IQGAP3: variants seen among roughly 807,000 people sequenced by gnomAD.
IQGAP3 encodes IQ motif containing GTPase activating protein 3.
A neutral mutation model predicts 208.2 loss-of-function variants in IQGAP3; 165 were observed. The observed-to-expected ratio is 0.79, with a 90% CI of 0.70 to 0.90. IQGAP3 has a LOEUF of 0.90. Among genes scored for constraint, IQGAP3 ranks in the 40% least tolerant of loss-of-function variants. The pLI is 0.00. For synonymous variants in IQGAP3, 703 were observed against 803.6 expected, an observed-to-expected ratio of 0.87 and a Z score of 2.12; for missense variants, 1,811 against 2,043.1, an observed-to-expected ratio of 0.89 and a Z score of 2.19.
rs1437576321 is a variant in IQGAP3 at position 156,556,524 on chromosome 1, G to A, written c.1290+9C>T. On this transcript the variant is annotated intron_variant, in intron 12 of 37. Transcript: ENST00000361170. ...ACTGCAGAGCTAGACCCACATTTCT[G>A]GGGCTTACCCCCTGCTGCTGCTGGA... is the stretch of plus-strand genomic sequence containing the variant. The A allele has an allele frequency of 5.0e-6, 8 of 1,613,790 alleles. No individual in the cohort carries two copies. The highest frequency in any genetic ancestry group is 6.8e-6 in the Non-Finnish European group (8 of 1,179,938).
intron 26 of IQGAP3, among the ~76,000 whole-genome samples, chr1:156,538,142 G>A (rs1287169398): frequency 6.6e-6 from 1 of 152,042 alleles, no homozygotes; most frequent in Non-Finnish European, 1.5e-5. Context: ...CTCACTGCAA[G>A]CTCTGCCTCC....
At position 156,550,167 on chromosome 1, in the gene IQGAP3, G is replaced by A. The variant is rs561380684; in HGVS notation, c.1825+94C>T. 3.0e-4 allele frequency: 246 copies of A among 818,330 alleles called. 3 individuals are homozygous for A. Among genetic ancestry groups the A allele is most frequent in the South Asian group, 2.7e-3 (181 of 66,378 alleles). 50.7% of individuals were successfully genotyped at this position (818,330 alleles called of 1,614,324 possible). ...TCCCCACAGAGGTTGAAGGGAGAGG[G>A]TGGTGACCAGGGAGGCTGCCTGATT... On this transcript the variant is annotated intron_variant, in intron 16 of 37. Transcript: ENST00000361170.
At chr1:156,546,434 G>A (rs879258640) in intron 19 of IQGAP3, among the ~76,000 whole-genome samples, 45 of 152,240 alleles carry the variant, frequency 3.0e-4, no homozygotes, top group Admixed American at 2.7e-3. Flanking sequence ...CCCACTGTTG[G>A]TGTGGTTTTT....
intron 1 of IQGAP3, among the ~76,000 whole-genome samples, chr1:156,570,805 C>A (rs1676613918): frequency 1.3e-5 from 2 of 152,168 alleles, no homozygotes; most frequent in African/African-American, 4.8e-5. Flanking sequence ...CCACAGCGCC[C>A]AAAGATTATT....
chr1:156,544,082 T>G, intron 21 of IQGAP3, 32 bp from the exon 22 acceptor site: 1 of 1,613,664 alleles, frequency 6.2e-7, no homozygotes, highest in Non-Finnish European at 8.5e-7. Flanking sequence ...AAAGGGTTGC[T>G]GGCTGTCCTT....
rs377490024 is a variant in IQGAP3, at chr1:156,528,882, C to T, written c.4571+34G>A. On this transcript the variant is annotated intron_variant, in intron 35 of 37. Coordinates refer to ENST00000361170, the MANE Select transcript of IQGAP3 (RefSeq NM_178229.5). ...ACATGGGCAGGGGTGAGAAGTCACT[C>T]GTAACCTTCCAAGTACGGGAAAGCA... 2.4e-4 allele frequency: 390 copies of T among 1,612,912 alleles called. 1 individual carries two copies. The highest frequency in any genetic ancestry group is 2.8e-4 in the Non-Finnish European group (331 of 1,179,246).
At chr1:156,557,356 C>T (rs1209855878) in intron 11 of IQGAP3, among the ~76,000 whole-genome samples, 2 of 13,762 alleles carry the variant, frequency 1.5e-4, no homozygotes, top group Non-Finnish European at 2.4e-4. Context: ...CAGCCCCCCA[C>T]CCGGCCAGCC....
intron 31 of IQGAP3, 21 bp downstream of exon 31, chr1:156,533,752 G>A (rs764165264): frequency 5.4e-5 from 87 of 1,599,632 alleles, no homozygotes; most frequent in Non-Finnish European, 4.1e-5. Flanking sequence ...GCTGGCCTCA[G>A]CTGCTAAGGA....
chr1:156,528,538 C>G lies in IQGAP3; in HGVS notation c.4644G>C (p.Leu1548Phe), dbSNP rs1674222106. The stretch of plus-strand genomic sequence containing the variant: ...AGGCGGGAAGATCTTCAATTTCCAC[C>G]AAGACACCCTTTTCCAGGAGCTGAG... ...TAAQLLEKGVLVEIEDLPASH... is the reference protein window; with the variant it reads ...TAAQLLEKGVFVEIEDLPASH... Residue 1548 changes from leucine (L) to phenylalanine (F), a missense_variant, in exon 36 of 38, where the codon TTG becomes TTC. Coordinates refer to ENST00000361170, the MANE Select transcript of IQGAP3 (RefSeq NM_178229.5). The G allele has an allele frequency of 4.3e-6, 7 of 1,614,050 alleles. No homozygotes were observed. The highest frequency in any genetic ancestry group is 5.1e-6 in the Non-Finnish European group (6 of 1,179,940).
chr1:156,560,820 C>G, intron 11 of IQGAP3, 114 bp downstream of exon 11: 3 of 690,792 alleles, frequency 4.3e-6, no homozygotes, highest in Non-Finnish European at 7.5e-6. Flanking sequence ...CCTAGCCAGG[C>G]TGGAAACAGC....
chr1:156,539,633 G>T, intron 24 of IQGAP3, 96 bp from the exon 25 acceptor site: 1 of 1,373,978 alleles, frequency 7.3e-7, no homozygotes, highest in Non-Finnish European at 1.0e-6. Flanking sequence ...AATCTGGAAT[G>T]GAGAAAGCAC....
At position 156,544,003 on chromosome 1, in the gene IQGAP3, G is replaced by T; in HGVS notation, c.2508C>A (p.Ala836=). The T allele has an allele frequency of 6.2e-7, 1 of 1,614,132 alleles. No individual in the cohort carries two copies. The highest frequency in any genetic ancestry group is 8.5e-7 in the Non-Finnish European group (1 of 1,179,998). The stretch of plus-strand genomic sequence containing the variant: ...CACCTAATATCCTGTAGTCATCTTG[G>T]GCTTTCCTGGCTCGGAAAAATGCCT... ...KIQAFFRARK[A]QDDYRILVHA... The change falls in exon 22 of 38, where the codon GCC becomes GCA. Residue 836 remains alanine, a synonymous_variant. Coordinates refer to ENST00000361170, the MANE Select transcript of IQGAP3 (RefSeq NM_178229.5).
rs550840918 is a variant in IQGAP3 at position 156,529,017 on chromosome 1, T to C, written c.4470A>G (p.Thr1490=). 4 of 1,614,162 alleles carry C rather than the reference T, an allele frequency of 2.5e-6. No individual in the cohort carries two copies. Among genetic ancestry groups the C allele is most frequent in the East Asian group, 2.2e-5 (1 of 44,878 alleles). ...RKAELVKLQA[T]LQGLSTKTTF... ...TGGTCTTAGTGCTCAGGCCCTGTAA[T>C]GTGGCCTGCAGCTTCACCAGCTCTG... Residue 1490 remains threonine (T), a synonymous_variant, in exon 35 of 38, where the codon ACA becomes ACG. Transcript: ENST00000361170.
chr1:156,563,746 G>A lies in IQGAP3; in HGVS notation c.505+11C>T, dbSNP rs1184179193. 6.2e-6 allele frequency: 10 copies of A among 1,612,848 alleles called. No homozygotes were observed. Among genetic ancestry groups the A allele is most frequent in the African/African-American group, 1.3e-5 (1 of 74,914 alleles). On this transcript the variant is annotated intron_variant, in intron 6 of 37. Coordinates refer to ENST00000361170, the MANE Select transcript of IQGAP3 (RefSeq NM_178229.5). The stretch of plus-strand genomic sequence containing the variant: ...CCAGGCTGTGGTGGTCAGGGAAGGA[G>A]CTGGGCTTACCTGTGAATTTCACTT...
chr1:156,543,560 G>A (rs758009286), intron 22 of IQGAP3, among the ~76,000 whole-genome samples: 1 of 152,232 alleles, frequency 6.6e-6, no homozygotes, highest in Non-Finnish European at 1.5e-5. Flanking sequence ...GGAATATGGA[G>A]CAGGAAGATG....
At chr1:156,544,281 C>A in intron 20 of IQGAP3, 58 bp from the exon 21 acceptor site, 1 of 1,585,870 alleles carries the variant, frequency 6.3e-7, no homozygotes, top group Non-Finnish European at 8.7e-7. Flanking sequence ...CACTCAGTCT[C>A]AGGCCAATTC....
At chr1:156,526,661 T>G in intron 37 of IQGAP3, 62 bp from the exon 38 acceptor site, 1 of 1,133,590 alleles carries the variant, frequency 8.8e-7, no homozygotes, top group Non-Finnish European at 1.3e-6. Context: ...AGTCAGATGG[T>G]GTACAAAACA....
intron 15 of IQGAP3, 28 bp downstream of exon 15, chr1:156,551,677 T>C (rs1354962778): frequency 6.3e-7 from 1 of 1,592,134 alleles, no homozygotes; most frequent in African/African-American, 1.3e-5. Flanking sequence ...CCTGCTCTGA[T>C]GACCAACCCA....
At position 156,525,711 on chromosome 1, in the gene IQGAP3, G is replaced by A. The variant is rs553684382; in HGVS notation, c.*775C>T. The A allele has an allele frequency of 2.0e-5, 2 of 102,362 alleles. No homozygotes were observed. The highest frequency in any genetic ancestry group is 6.9e-4 in the South Asian group (2 of 2,906). 6.3% of individuals were successfully genotyped at this position (102,362 alleles called of 1,614,324 possible). ...GGGTATTAGTTTGAATAGGGAAAAT[G>A]AGAACTCTCTTTGAGCTCAAAAAAA... On this transcript the variant is annotated 3_prime_UTR_variant, in exon 38 of 38. Transcript: ENST00000361170.
Sources: gnomAD v4.1 joint callset for allele counts (sites outside exome capture counted in the v4.1 genomes callset) on GRCh38, gnomAD v4.1.1 for gene constraint, MANE v1.5 for transcripts, NCBI Gene and HGNC (gene_info 2026-07-23, HGNC 2026-07-21) for gene names.